Variants in PIWIL2 observed in about 807,000 individuals in gnomAD.
PIWIL2 encodes the protein piwi like RNA-mediated gene silencing 2.
Under a neutral mutation model 116.5 loss-of-function variants are expected in PIWIL2, and 81 were observed. The observed-to-expected ratio is 0.70, with a 90% CI of 0.58 to 0.84. The LOEUF (loss-of-function observed/expected upper bound fraction) is 0.84. Ranked by LOEUF, PIWIL2 falls within the 40% of genes least tolerant of loss-of-function variation. The pLI is 0.00. For synonymous variants in PIWIL2, 489 were observed against 429.5 expected (o/e 1.14, Z -1.71); for missense variants, 1,272 against 1,212.3 (o/e 1.05, Z -0.73).
intron 5 of PIWIL2, 139 bp downstream of exon 5, chr8:22,283,379 A>G (rs1205927970): frequency 9.1e-6 from 6 of 656,890 alleles, no homozygotes; most frequent in African/African-American, 7.3e-5. Flanking sequence ...GTTTTTTGCC[A>G]GTGGGAGATT....
Position 22,303,982 on chromosome 8 carries a change from A to G in PIWIL2, c.1182-39A>G, listed in dbSNP as rs781290854. 5 of 1,374,032 alleles carry G rather than the reference A, an allele frequency of 3.6e-6. No individual in the cohort carries two copies. The East Asian group carries it at 9.1e-5, about 25-fold the overall frequency. 85.1% of individuals were successfully genotyped at this position (1,374,032 alleles called of 1,614,324 possible). A position where few individuals can be genotyped will look rare whatever the true frequency, so the allele number is the denominator to read the frequency against. The stretch of plus-strand genomic sequence containing the variant: ...CTATCCCTTTCATACTGTTCTGGAT[A>G]TATACTGTGATCCAAAAGTCTTTTA... On this transcript the variant is annotated intron_variant, in intron 10 of 22. Coordinates refer to ENST00000356766, the MANE Select transcript of PIWIL2 (RefSeq NM_018068.5).
chr8:22,349,313 A>G (rs1034153549), intron 20 of PIWIL2, among the ~76,000 whole-genome samples: 4 of 149,106 alleles, frequency 2.7e-5, no homozygotes, highest in Non-Finnish European at 5.9e-5. Context: ...CCGGCCTTCT[A>G]TTTTTCACTC....
At position 22,288,523 on chromosome 8, in the gene PIWIL2, G is replaced by C; in HGVS notation, c.862-19G>C. On this transcript the variant is annotated intron_variant, in intron 7 of 22. Coordinates refer to ENST00000356766, the MANE Select transcript of PIWIL2 (RefSeq NM_018068.5). ...TTAGTTTTGTCATTTTGTTTCACCT[G>C]TGTGTATTTATTTGTTAGGTTCTTG... The C allele has an allele frequency of 6.2e-7, 1 of 1,605,240 alleles. No individual in the cohort carries two copies. The highest frequency in any genetic ancestry group is 8.5e-7 in the Non-Finnish European group (1 of 1,173,178).
chr8:22,349,385 G>A (rs975202265), intron 20 of PIWIL2, among the ~76,000 whole-genome samples: 1 of 139,526 alleles, frequency 7.2e-6, no homozygotes, highest in African/African-American at 2.6e-5. Flanking sequence ...GATCTAGCTC[G>A]GTCTCAACTT....
At chr8:22,288,322 C>T in intron 7 of PIWIL2, among the ~76,000 whole-genome samples, 1 of 139,234 alleles carries the variant, frequency 7.2e-6, no homozygotes. Flanking sequence ...AAAAAAATTG[C>T]AAATGTAAAC....
At position 22,309,728 on chromosome 8, in the gene PIWIL2, G is replaced by A. The variant is rs765086604; in HGVS notation, c.1687-233G>A. Among the ~76,000 whole-genome samples, 6 of 152,282 alleles carry A rather than the reference G, an allele frequency of 3.9e-5. No individual in the cohort carries two copies. The Middle Eastern group carries it at 0.01, about 259-fold the overall frequency. ...AAATCCCTTTCTTGGGATATCATGT[G>A]GAAGCTTCAATAATGAAAGACTAGT... On this transcript the variant is annotated intron_variant, in intron 14 of 22. Coordinates refer to ENST00000356766, the MANE Select transcript of PIWIL2 (RefSeq NM_018068.5).
At position 22,284,075 on chromosome 8, in the gene PIWIL2, C is replaced by T. The variant is rs962573057; in HGVS notation, c.633-87C>T. ...GTGAAAAAATGTTACTTCCCCCAAT[C>T]TTCTTGTTGTTGGTTGTGTGGGTTG... On this transcript the variant is annotated intron_variant, in intron 5 of 22. Coordinates refer to ENST00000356766, the MANE Select transcript of PIWIL2 (RefSeq NM_018068.5). 1.1e-5 allele frequency: 7 copies of T among 646,080 alleles called. No individual in the cohort carries two copies. The African/African-American group carries it at 1.3e-4, about 12-fold the overall frequency. The allele number at this position is 646,080 out of a possible 1,614,324, so 40.0% of individuals were successfully genotyped here.
intron 14 of PIWIL2, among the ~76,000 whole-genome samples, chr8:22,308,624 G>C (rs966956396): frequency 2.0e-5 from 3 of 152,102 alleles, no homozygotes; most frequent in Non-Finnish European, 2.9e-5. Context: ...CTGCACTCTA[G>C]CCTGGGAGAC....
intron 20 of PIWIL2, among the ~76,000 whole-genome samples, chr8:22,340,816 A>G (rs1018895807): frequency 6.6e-6 from 1 of 151,958 alleles, no homozygotes; most frequent in African/African-American, 2.4e-5. Flanking sequence ...GGCTGAAGCA[A>G]TTCTCCCACC....
intron 14 of PIWIL2, 32 bp downstream of exon 14, chr8:22,308,105 T>C (rs1374978580): frequency 5.1e-6 from 8 of 1,571,052 alleles, no homozygotes; most frequent in Non-Finnish European, 7.0e-6. Context: ...TGTATGCACA[T>C]GTACAGAGAC....
intron 1 of PIWIL2, among the ~76,000 whole-genome samples, chr8:22,278,216 T>C (rs1000089179): frequency 2.6e-5 from 4 of 151,470 alleles, no homozygotes; most frequent in African/African-American, 9.7e-5. Context: ...ACCAAAGTCA[T>C]CCTCATACAT....
rs1277558337 is a variant in PIWIL2 at position 22,279,533 on chromosome 8, T to A, written c.147T>A (p.His49Gln). 2 of 1,614,056 alleles carry A rather than the reference T, an allele frequency of 1.2e-6. No homozygotes were observed. The highest frequency in any genetic ancestry group is 4.5e-5 in the East Asian group (2 of 44,890). The change falls in exon 2 of 23, where the codon CAT (histidine) becomes CAA (glutamine). Residue 49 changes from histidine (H) to glutamine (Q), a missense_variant. Coordinates refer to ENST00000356766, the MANE Select transcript of PIWIL2 (RefSeq NM_018068.5). Reference protein sequence around the residue: ...LGRGAPAGRGHVFGKPEEPST... With the variant: ...LGRGAPAGRGQVFGKPEEPST... ...GGGGAGCACCTGCAGGCAGAGGCCA[T>A]GTATTTGGAAAGCCAGAGGAACCAA...
At chr8:22,277,873 T>C (rs550437871) in intron 1 of PIWIL2, among the ~76,000 whole-genome samples, 1 of 152,240 alleles carries the variant, frequency 6.6e-6, no homozygotes, top group East Asian at 1.9e-4. Context: ...GTGTTAACTA[T>C]GAAATTGTTT....
intron 10 of PIWIL2, among the ~76,000 whole-genome samples, chr8:22,297,075 A>G (rs931060740): frequency 2.0e-5 from 3 of 151,958 alleles, no homozygotes; most frequent in African/African-American, 7.3e-5. Context: ...TGCAGCCTCA[A>G]ACTCCTGGGC....
chr8:22,322,279 G>T (rs1309053203), intron 20 of PIWIL2, among the ~76,000 whole-genome samples: 5 of 151,022 alleles, frequency 3.3e-5, no homozygotes, highest in Admixed American at 2.6e-4. Context: ...TTGAGACAGG[G>T]TTGCTCTGTT....
At chr8:22,293,702 A>T (rs1425705097) in intron 10 of PIWIL2, among the ~76,000 whole-genome samples, 2 of 152,228 alleles carry the variant, frequency 1.3e-5, no homozygotes, top group African/African-American at 2.4e-5. Context: ...GTACTATTAT[A>T]CAATTATTGA....
At chr8:22,276,389 C>T (rs1005492101) in intron 1 of PIWIL2, among the ~76,000 whole-genome samples, 1 of 152,194 alleles carries the variant, frequency 6.6e-6, no homozygotes, top group Admixed American at 6.5e-5. Flanking sequence ...GATCTCTGCT[C>T]ACTGCAACCT....
chr8:22,283,303 G>T lies in PIWIL2; in HGVS notation c.632+63G>T, dbSNP rs1264275088. ...TCGTGAAAACTCTGCATTTTGGCTC[G>T]TGTGTAGTATTGTAAAATCTGTTTG... On this transcript the variant is annotated intron_variant, in intron 5 of 22. Coordinates refer to ENST00000356766, the MANE Select transcript of PIWIL2 (RefSeq NM_018068.5). 3 of 1,305,298 alleles carry T rather than the reference G, an allele frequency of 2.3e-6. No homozygotes were observed. In the African/African-American group the frequency reaches 4.4e-5, roughly 19 times the overall value. The allele number at this position is 1,305,298 out of a possible 1,614,324, so 80.9% of individuals were successfully genotyped here. A position where few individuals can be genotyped will look rare whatever the true frequency, so the allele number is the denominator to read the frequency against.
At chr8:22,313,185 CTG>C (rs1479588643) in intron 16 of PIWIL2, among the ~76,000 whole-genome samples, 1 of 152,180 alleles carries the variant, frequency 6.6e-6, no homozygotes, top group African/African-American at 2.4e-5. Context: ...CGGCCTTGCT[CTG>C]TCTGTTCATC....
Sources: gnomAD v4.1 joint callset for allele counts (sites outside exome capture counted in the v4.1 genomes callset) on GRCh38, gnomAD v4.1.1 for gene constraint, MANE v1.5 for transcripts, NCBI Gene and HGNC (gene_info 2026-07-23, HGNC 2026-07-21) for gene names.